The following RCAN2 variants were observed in gnomAD, a reference collection of about 807,000 sequenced individuals.
RCAN2 encodes calcipressin-2.
A neutral mutation model predicts 23.6 loss-of-function variants in RCAN2; 9 were observed. That is an observed-to-expected ratio of 0.38 (90% confidence interval 0.23 to 0.67). The LOEUF (loss-of-function observed/expected upper bound fraction) is 0.67, where lower values mean the gene tolerates loss of function less well. Ranked by LOEUF, RCAN2 falls within the 30% of genes least tolerant of loss-of-function variation. The pLI is 0.51. For synonymous variants in RCAN2, 109 were observed against 115.7 expected (o/e 0.94, Z 0.37); for missense variants, 273 against 302.3 (o/e 0.90, Z 0.72).
chr6:46,339,650 A>G (rs1205862829), intron 2 of RCAN2, among the ~76,000 whole-genome samples: 1 of 152,196 alleles, frequency 6.6e-6, no homozygotes, highest in Admixed American at 6.5e-5. Flanking sequence ...GAGAACCAGT[A>G]AAAGCTACGA....
intron 2 of RCAN2, among the ~76,000 whole-genome samples, chr6:46,301,729 C>T (rs1762908961): frequency 6.6e-6 from 1 of 151,976 alleles, no homozygotes; most frequent in African/African-American, 2.4e-5. Context: ...AGAAAGACCT[C>T]TCTTGGGAGG....
chr6:46,344,836 C>T (rs536301142), intron 2 of RCAN2, among the ~76,000 whole-genome samples: 118 of 125,592 alleles, frequency 9.4e-4, no homozygotes, highest in African/African-American at 2.8e-3. Context: ...AAAACAAATG[C>T]CAAGATGACA....
intron 2 of RCAN2, among the ~76,000 whole-genome samples, chr6:46,370,550 C>T (rs1765297424): frequency 6.6e-6 from 1 of 152,204 alleles, no homozygotes; most frequent in African/African-American, 2.4e-5. Flanking sequence ...GTGACTTCTG[C>T]TTCCTCCCGG....
At chr6:46,342,411 G>C (rs2150373551) in intron 2 of RCAN2, among the ~76,000 whole-genome samples, 1 of 151,638 alleles carries the variant, frequency 6.6e-6, no homozygotes, top group African/African-American at 2.4e-5. Context: ...TTTTAGCCAG[G>C]ACTGGTGGCT....
chr6:46,334,672 T>C (rs1764085954), intron 2 of RCAN2, among the ~76,000 whole-genome samples: 1 of 152,156 alleles, frequency 6.6e-6, no homozygotes, highest in South Asian at 2.1e-4. Context: ...CCATGCTAAG[T>C]GGCAGCTGCA....
chr6:46,246,249 T>A (rs1766508469), intron 4 of RCAN2, among the ~76,000 whole-genome samples: 1 of 152,208 alleles, frequency 6.6e-6, no homozygotes, highest in Non-Finnish European at 1.5e-5. Context: ...AAGATTTTTT[T>A]AAAGTTAGAG....
At chr6:46,249,818 C>T (rs1281306297) in intron 2 of RCAN2, among the ~76,000 whole-genome samples, 3 of 152,230 alleles carry the variant, frequency 2.0e-5, no homozygotes, top group Non-Finnish European at 4.4e-5. Context: ...AAACAGGATT[C>T]TCTTCACTCT....
At chr6:46,315,396 G>A (rs545913476) in intron 2 of RCAN2, among the ~76,000 whole-genome samples, 83 of 152,226 alleles carry the variant, frequency 5.5e-4, no homozygotes, top group African/African-American at 1.9e-3. Context: ...GGGGTGGAGC[G>A]GGGCCTGTGG....
chr6:46,460,620 C>T (rs1381755049), intron 1 of RCAN2, among the ~76,000 whole-genome samples: 1 of 152,176 alleles, frequency 6.6e-6, no homozygotes, highest in African/African-American at 2.4e-5. Context: ...AATTGTCCTC[C>T]AATGCAGCTA....
intron 2 of RCAN2, among the ~76,000 whole-genome samples, chr6:46,382,142 C>T (rs1765629123): frequency 2.0e-5 from 3 of 152,188 alleles, no homozygotes; most frequent in Non-Finnish European, 4.4e-5. Context: ...TTAGGATTCC[C>T]TCTTGTCTTC....
chr6:46,427,816 AT>A (rs1767076202), intron 2 of RCAN2, among the ~76,000 whole-genome samples: 1 of 152,244 alleles, frequency 6.6e-6, no homozygotes, highest in African/African-American at 2.4e-5. Flanking sequence ...TATGGCAGAC[AT>A]TGTCTGTTGA....
At chr6:46,262,020 T>C (rs1767125369) in intron 2 of RCAN2, among the ~76,000 whole-genome samples, 1 of 152,096 alleles carries the variant, frequency 6.6e-6, no homozygotes, top group Non-Finnish European at 1.5e-5. Flanking sequence ...TCCTATCTGG[T>C]TCCTTTCTCC....
intron 2 of RCAN2, chr6:46,325,380 T>C (rs773497258): frequency 4.3e-6 from 7 of 1,613,450 alleles, no homozygotes; most frequent in African/African-American, 2.7e-5. Flanking sequence ...AAAATAAGAT[T>C]GCAGGTGCAT....
At position 46,340,197 on chromosome 6, in the gene RCAN2, A is replaced by T. The variant is rs58729731; in HGVS notation, c.226-91301T>A. 6.5e-3 allele frequency among the ~76,000 whole-genome samples: 986 copies of T among 152,260 alleles called. 8 individuals carry two copies. The highest frequency in any genetic ancestry group is 0.022 in the African/African-American group (908 of 41,544). ...TCCACTTGCTACTACTACTACCAAG[A>T]CAGTCTTCGGTGCTTGCCATAAAGT... is the stretch of plus-strand genomic sequence containing the variant. On this transcript the variant is annotated intron_variant, in intron 2 of 4. Transcript: ENST00000371374.
chr6:46,290,210 C>G (rs1762511134), intron 2 of RCAN2, among the ~76,000 whole-genome samples: 1 of 151,958 alleles, frequency 6.6e-6, no homozygotes, highest in African/African-American at 2.4e-5. Context: ...AGCCTGTGCC[C>G]CAATACAGGA....
At chr6:46,320,039 T>C (rs1418490977) in intron 2 of RCAN2, among the ~76,000 whole-genome samples, 2 of 152,222 alleles carry the variant, frequency 1.3e-5, no homozygotes, top group African/African-American at 4.8e-5. Context: ...TTAATTACCA[T>C]GAATACCTCT....
At chr6:46,362,487 C>A (rs1765046150) in intron 2 of RCAN2, among the ~76,000 whole-genome samples, 1 of 152,004 alleles carries the variant, frequency 6.6e-6, no homozygotes, top group Non-Finnish European at 1.5e-5. Flanking sequence ...GGATGACAAA[C>A]CAAACAAATC....
At chr6:46,228,175 G>A (rs559599462) in intron 4 of RCAN2, among the ~76,000 whole-genome samples, 2 of 152,288 alleles carry the variant, frequency 1.3e-5, no homozygotes, top group African/African-American at 4.8e-5. Context: ...TACATTTGCT[G>A]AGGAGTGCCT....
intron 2 of RCAN2, among the ~76,000 whole-genome samples, chr6:46,250,259 T>C (rs1766664258): frequency 6.6e-6 from 1 of 152,224 alleles, no homozygotes; most frequent in African/African-American, 2.4e-5. Flanking sequence ...ATAGGCATTA[T>C]GTTAATACCA....
Sources: gnomAD v4.1 joint callset for allele counts (sites outside exome capture counted in the v4.1 genomes callset) on GRCh38, gnomAD v4.1.1 for gene constraint, MANE v1.5 for transcripts, NCBI Gene and HGNC (gene_info 2026-07-23, HGNC 2026-07-21) for gene names.